Variants in ZNF469 observed in about 807,000 individuals in gnomAD.
The protein encoded by ZNF469 is zinc finger protein 469.
In ZNF469, 1 loss-of-function variant was observed where a neutral mutation model predicts 1.0. The ratio of observed to expected loss-of-function variants is 1.00; its 90% CI spans 0.35 to 4.73. The LOEUF (loss-of-function observed/expected upper bound fraction) is 4.73. Among genes scored for constraint, ZNF469 ranks in the 30% most tolerant of loss-of-function variants. The pLI is 0.16. For missense variants in ZNF469, 6,100 were observed against 5,356.3 expected (o/e 1.14, Z -4.33); for synonymous variants, 2,703 against 2,363.4 (o/e 1.14, Z -4.17).
At chr16:88,205,629 C>T in the ZNF469 span, among the ~76,000 whole-genome samples, 105 of 152,254 alleles carry the variant, frequency 6.9e-4, 3 homozygotes, top group East Asian at 0.018. The surrounding 1 kb of genome is among the most constrained non-coding windows in gnomAD (Gnocchi z 4.2). Flanking sequence ...GCCTGGGGCT[C>T]GTCCGGCGGT....
chr16:88,158,819 T>A, the ZNF469 span, among the ~76,000 whole-genome samples: 1 of 152,204 alleles, frequency 6.6e-6, no homozygotes, highest in Middle Eastern at 3.4e-3. Flanking sequence ...CACCGGGCAG[T>A]GCAGGGGGGC....
intron 1 of ZNF469, among the ~76,000 whole-genome samples, chr16:88,410,688 T>C (rs1053271990): frequency 2.7e-5 from 4 of 149,794 alleles, no homozygotes; most frequent in South Asian, 2.1e-4. Context: ...AAGTTCACAG[T>C]GCAGGTCACA....
chr16:88,195,413 C>G, the ZNF469 span, among the ~76,000 whole-genome samples: 1 of 152,182 alleles, frequency 6.6e-6, no homozygotes, highest in African/African-American at 2.4e-5. Flanking sequence ...ATCCATGATT[C>G]AGTTCACACT....
chr16:88,224,578 G>A, the ZNF469 span, among the ~76,000 whole-genome samples: 1 of 152,220 alleles, frequency 6.6e-6, no homozygotes, highest in African/African-American at 2.4e-5. Flanking sequence ...CTCTGATGAG[G>A]AGACTGAGGC....
chr16:88,361,709 C>G, the ZNF469 span, among the ~76,000 whole-genome samples: 4 of 148,728 alleles, frequency 2.7e-5, no homozygotes, highest in Admixed American at 2.0e-4. Flanking sequence ...TTTTTTTTTT[C>G]GTTGAAATCT....
chr16:88,337,551 A>C, the ZNF469 span, among the ~76,000 whole-genome samples: 1 of 152,200 alleles, frequency 6.6e-6, no homozygotes, highest in Non-Finnish European at 1.5e-5. Context: ...GTTTATACCT[A>C]GTGGTACAGG....
the ZNF469 span, among the ~76,000 whole-genome samples, chr16:88,324,233 G>A: frequency 6.6e-6 from 1 of 152,264 alleles, no homozygotes; most frequent in African/African-American, 2.4e-5. Flanking sequence ...CGGACCGCCA[G>A]CCCTGAAATT....
the ZNF469 span, among the ~76,000 whole-genome samples, chr16:88,123,143 G>C: frequency 2.3e-4 from 35 of 152,234 alleles, no homozygotes; most frequent in African/African-American, 8.2e-4. Flanking sequence ...GCACCATCCC[G>C]AGACTACCCA....
At chr16:88,374,470 A>G in the ZNF469 span, among the ~76,000 whole-genome samples, 76,281 of 152,080 alleles carry the variant, frequency 0.5, 22,744 homozygotes, top group Non-Finnish European at 0.66. Flanking sequence ...TGAGACCAGG[A>G]ACATAGCTGG....
chr16:88,134,708 C>T, the ZNF469 span, among the ~76,000 whole-genome samples: 5 of 152,216 alleles, frequency 3.3e-5, no homozygotes, highest in Admixed American at 6.5e-5. Context: ...TGTTGCCACG[C>T]GTGTAAATCC....
chr16:88,433,804 G>T lies in ZNF469; in HGVS notation c.6334G>T (p.Ala2112Ser), dbSNP rs1468228702. ...AGCACCCTCTGTCGGGGACCTGGCC[G>T]CCTGCGCCCCCTCACCCACTTCAGC... ...SPAPSVGDLA[A>S]CAPSPTSAAH... Residue 2112 changes from alanine (A) to serine (S), a missense_variant, in exon 3 of 3, where the codon GCC (alanine) becomes TCC (serine). Coordinates refer to ENST00000565624, the MANE Select transcript of ZNF469 (RefSeq NM_001367624.2). 6.5e-7 allele frequency: 1 copy of T among 1,549,578 alleles called. No individual in the cohort carries two copies. The highest frequency in any genetic ancestry group is 1.4e-5 in the African/African-American group (1 of 73,024).
chr16:88,368,662 G>A, the ZNF469 span, among the ~76,000 whole-genome samples: 6 of 151,890 alleles, frequency 4.0e-5, no homozygotes, highest in Non-Finnish European at 8.8e-5. Context: ...GAGAGAGAGT[G>A]GCCTGGGAGA....
chr16:88,208,079 TA>T, the ZNF469 span, among the ~76,000 whole-genome samples: 1 of 152,202 alleles, frequency 6.6e-6, no homozygotes, highest in Admixed American at 6.5e-5. Context: ...TTCATTTATA[TA>T]TTTACATTAG....
At chr16:88,249,028 C>T in the ZNF469 span, among the ~76,000 whole-genome samples, 2 of 152,122 alleles carry the variant, frequency 1.3e-5, no homozygotes, top group African/African-American at 4.8e-5. Context: ...CCCTGGCTGT[C>T]TCCCTCTCAC....
At chr16:88,401,077 C>A (rs897711649) in intron 1 of ZNF469, among the ~76,000 whole-genome samples, 10 of 152,084 alleles carry the variant, frequency 6.6e-5, no homozygotes, top group Non-Finnish European at 1.5e-4. Context: ...GCTCATAAGG[C>A]CCTTGGACAC....
chr16:88,430,990 C>G lies in ZNF469; in HGVS notation c.3520C>G (p.Pro1174Ala). Residue 1174 changes from proline (P) to alanine (A), a missense_variant, in exon 3 of 3, where the codon CCG becomes GCG. Pro to Ala is a conservative substitution (Grantham distance 27). Coordinates refer to ENST00000565624, the MANE Select transcript of ZNF469 (RefSeq NM_001367624.2). The part of the protein sequence containing the change: ...GPGRSPQARG[P>A]SRSLETGAAA... ...CGGCAGGAGCCCTCAGGCCCGTGGC[C>G]CGTCTCGAAGCCTGGAGACGGGAGC... The G allele has an allele frequency of 6.5e-7, 1 of 1,541,608 alleles. No homozygotes were observed. The highest frequency in any genetic ancestry group is 1.4e-5 in the African/African-American group (1 of 73,102).
chr16:88,249,431 T>C, the ZNF469 span, among the ~76,000 whole-genome samples: 1 of 52,042 alleles, frequency 1.9e-5, no homozygotes. Flanking sequence ...TTCTTTTTCT[T>C]TTTTTTTTTT....
chr16:88,440,057 G>C lies in ZNF469; in HGVS notation c.*725G>C, dbSNP rs759170815. On this transcript the variant is annotated 3_prime_UTR_variant, in exon 3 of 3. Transcript: ENST00000565624. ...GTGCCAGCTCCCGCGGGCCCTCCTC[G>C]TTCCCTCCCAGCCTCCATGGCCGCC... 27 of 154,306 alleles carry C rather than the reference G, an allele frequency of 1.7e-4. No individual in the cohort carries two copies. The highest frequency in any genetic ancestry group is 1.7e-3 in the Admixed American group (26 of 15,738). 9.6% of individuals were successfully genotyped at this position (154,306 alleles called of 1,614,324 possible). A position where few individuals can be genotyped will look rare whatever the true frequency, so the allele number is the denominator to read the frequency against.
intron 1 of ZNF469, among the ~76,000 whole-genome samples, chr16:88,384,756 T>C (rs2092533578): frequency 6.6e-6 from 1 of 152,166 alleles, no homozygotes; most frequent in Non-Finnish European, 1.5e-5. Flanking sequence ...CTGGGCAGTG[T>C]GCAAACCAGG....
Sources: allele counts gnomAD v4.1 joint callset (sites outside exome capture counted in the v4.1 genomes callset), GRCh38; gene constraint gnomAD v4.1.1; non-coding constraint Gnocchi (gnomAD v3.1); transcripts MANE v1.5; gene names NCBI Gene and HGNC (gene_info 2026-07-23, HGNC 2026-07-21).